Variants in STAU1 observed in about 807,000 individuals in gnomAD.
STAU1 encodes the protein double-stranded RNA-binding protein Staufen homolog 1.
Under a neutral mutation model 62.9 loss-of-function variants are expected in STAU1, and 13 were observed. The observed-to-expected ratio is 0.21, with a 90% confidence interval of 0.13 to 0.33. STAU1 has a LOEUF of 0.33. Ranked by LOEUF, STAU1 falls within the 10% of genes least tolerant of loss-of-function variation. The pLI is 1.00. For missense variants in STAU1, 571 were observed against 712.1 expected, an observed-to-expected ratio of 0.80 and a Z score of 2.25; for synonymous variants, 269 against 265.1, an observed-to-expected ratio of 1.01 and a Z score of -0.14.
chr20:49,159,055 C>T lies in STAU1; in HGVS notation c.206-4984G>A. On this transcript the variant is annotated intron_variant, in intron 3 of 13. Coordinates refer to ENST00000371856, the MANE Select transcript of STAU1 (RefSeq NM_017453.4). The stretch of plus-strand genomic sequence containing the variant: ...AGCATGAACTCAAAACCCTGGCAGG[C>T]AGGAAGGTCAAATGGCAGAAGCCTG... 2.4e-6 allele frequency: 3 copies of T among 1,264,528 alleles called. No individual in the cohort carries two copies. In the African/African-American group the frequency reaches 4.7e-5, roughly 20 times the overall value. The allele number at this position is 1,264,528 out of a possible 1,614,324, so 78.3% of individuals were successfully genotyped here.
intron 1 of STAU1, among the ~76,000 whole-genome samples, chr20:49,186,010 G>C (rs1316589829): frequency 6.6e-6 from 1 of 151,826 alleles, no homozygotes; most frequent in Non-Finnish European, 1.5e-5. Flanking sequence ...CCAGGCTCAA[G>C]AGATAGTCTC....
intron 4 of STAU1, 105 bp from the exon 5 acceptor site, chr20:49,151,852 T>C: frequency 4.0e-6 from 4 of 1,006,620 alleles, no homozygotes; most frequent in Non-Finnish European, 5.6e-6. Flanking sequence ...CCTACTCACA[T>C]TAGTGTTTGA....
chr20:49,170,785 G>GA (rs34699924), intron 2 of STAU1, among the ~76,000 whole-genome samples: 42,748 of 135,584 alleles, frequency 0.32, 7,583 homozygotes, highest in Middle Eastern at 0.46. Context: ...ATGTGTCTGG[G>GA]AAAAAAAAAA....
chr20:49,174,126 TCATTA>T (rs1046919085), intron 2 of STAU1, 64 bp downstream of exon 2: 15 of 152,136 alleles, frequency 9.9e-5, no homozygotes, highest in African/African-American at 3.4e-4. Context: ...TCCACACAAC[TCATTA>T]AAGAATTCAA....
chr20:49,119,830 T>A (rs1263473539), intron 9 of STAU1, 152 bp downstream of exon 9: 1 of 942,716 alleles, frequency 1.1e-6, no homozygotes, highest in African/African-American at 1.7e-5. Flanking sequence ...TCTGAGCACA[T>A]TATGGTCCAA....
chr20:49,168,954 A>ATTTT (rs201860565), intron 2 of STAU1, among the ~76,000 whole-genome samples: 20 of 143,728 alleles, frequency 1.4e-4, no homozygotes, highest in Admixed American at 1.4e-4. Flanking sequence ...ATAGATGCTA[A>ATTTT]TTTTTTTTTT....
intron 3 of STAU1, among the ~76,000 whole-genome samples, chr20:49,159,525 AAC>A (rs2146320261): frequency 6.6e-6 from 1 of 152,298 alleles, no homozygotes; most frequent in African/African-American, 2.4e-5. Flanking sequence ...GAGGAAATAC[AAC>A]AGTTATAGAA....
chr20:49,196,603 A>G, the STAU1 span, among the ~76,000 whole-genome samples: 2 of 151,678 alleles, frequency 1.3e-5, no homozygotes, highest in Admixed American at 6.6e-5. Context: ...CGTGGCCAAC[A>G]TGACGAAATA....
the STAU1 span, among the ~76,000 whole-genome samples, chr20:49,206,769 T>A: frequency 1.4e-5 from 2 of 142,480 alleles, no homozygotes; most frequent in East Asian, 2.1e-4. Flanking sequence ...TTATTTTTTT[T>A]TTTTTGAGAC....
intron 1 of STAU1, among the ~76,000 whole-genome samples, chr20:49,176,198 A>C (rs1182534956): frequency 6.6e-6 from 1 of 152,204 alleles, no homozygotes; most frequent in African/African-American, 2.4e-5. Context: ...CTTTATTCGT[A>C]AATGTCGTTG....
At chr20:49,176,865 T>C (rs1352576318) in intron 1 of STAU1, among the ~76,000 whole-genome samples, 2 of 152,054 alleles carry the variant, frequency 1.3e-5, no homozygotes, top group African/African-American at 4.8e-5. Flanking sequence ...TAGTTTTTGT[T>C]TTGTTTCCAA....
intron 5 of STAU1, among the ~76,000 whole-genome samples, chr20:49,139,173 A>C (rs1275829205): frequency 1.3e-5 from 2 of 152,220 alleles, no homozygotes; most frequent in African/African-American, 4.8e-5. Context: ...TTATGACACC[A>C]TCTGGTGATT....
intron 13 of STAU1, among the ~76,000 whole-genome samples, chr20:49,115,480 T>C (rs946712558): frequency 2.6e-5 from 4 of 152,060 alleles, no homozygotes; most frequent in African/African-American, 9.7e-5. Flanking sequence ...TTTGTATTTT[T>C]AGTAGAGACA....
Position 49,117,293 on chromosome 20 carries a change from A to G in STAU1, c.1510-45T>C. On this transcript the variant is annotated intron_variant, in intron 11 of 13. Coordinates refer to ENST00000371856, the MANE Select transcript of STAU1 (RefSeq NM_017453.4). The surrounding 1 kb of genome is among the most constrained non-coding windows in gnomAD (Gnocchi z 4.6). ...TGAGGCTAGGTAGGGAACAGCAAGTATGAGTGGGCTGGAGGGCTGCAGCTC... is the reference window on the plus strand; with the variant it reads ...TGAGGCTAGGTAGGGAACAGCAAGTGTGAGTGGGCTGGAGGGCTGCAGCTC... The G allele has an allele frequency of 1.2e-6, 2 of 1,608,966 alleles. No individual in the cohort carries two copies. Among genetic ancestry groups the G allele is most frequent in the Non-Finnish European group, 1.7e-6 (2 of 1,176,904 alleles).
In STAU1 at chr20:49,161,745, T is replaced by C. The variant is rs114366482; in HGVS notation, c.205+4252A>G. 3.7e-3 allele frequency among the ~76,000 whole-genome samples: 567 copies of C among 152,254 alleles called. 3 individuals are homozygous for C. Among genetic ancestry groups the C allele is most frequent in the African/African-American group, 0.013 (549 of 41,548 alleles). ...GCAGTATATAAGACTACTATTCTCCTAGGGATATGAAAATAGAGGAAAAAC... is the reference window on the plus strand; with the variant it reads ...GCAGTATATAAGACTACTATTCTCCCAGGGATATGAAAATAGAGGAAAAAC... On this transcript the variant is annotated intron_variant, in intron 3 of 13. Coordinates refer to ENST00000371856, the MANE Select transcript of STAU1 (RefSeq NM_017453.4).
intron 5 of STAU1, among the ~76,000 whole-genome samples, chr20:49,146,702 C>G (rs911583475): frequency 3.3e-5 from 5 of 149,446 alleles, no homozygotes; most frequent in Admixed American, 3.3e-4. Flanking sequence ...GAGACCCTAT[C>G]TCCAAAAAAA....
At chr20:49,154,335 A>C (rs1032792933) in intron 3 of STAU1, among the ~76,000 whole-genome samples, 1 of 152,216 alleles carries the variant, frequency 6.6e-6, no homozygotes, top group African/African-American at 2.4e-5. Flanking sequence ...TATCAGTGAA[A>C]GCTATATGGT....
In STAU1 at chr20:49,139,582, C is replaced by T. The variant is rs138795750; in HGVS notation, c.511-3651G>A. 4.9e-3 allele frequency among the ~76,000 whole-genome samples: 740 copies of T among 150,996 alleles called. 6 individuals are homozygous for T. The highest frequency in any genetic ancestry group is 0.017 in the African/African-American group (689 of 41,094). On this transcript the variant is annotated intron_variant, in intron 5 of 13. Transcript: ENST00000371856. ...TCCACTAAAAATACAAAAAACTAGC[C>T]GGGTGTGGTAGCAGACGTCTGTAAT...
chr20:49,189,652 A>G (rs1053271509), upstream of STAU1, among the ~76,000 whole-genome samples: 4 of 151,084 alleles, frequency 2.6e-5, no homozygotes, highest in African/African-American at 9.8e-5. Context: ...AGAATCTTGA[A>G]CTTCTGCACA....
Sources: allele counts gnomAD v4.1 joint callset (sites outside exome capture counted in the v4.1 genomes callset), GRCh38; gene constraint gnomAD v4.1.1; non-coding constraint Gnocchi (gnomAD v3.1); transcripts MANE v1.5; gene names NCBI Gene and HGNC (gene_info 2026-07-23, HGNC 2026-07-21).